Variants in SLC2A13 observed in about 807,000 individuals in gnomAD.
SLC2A13 encodes solute carrier family 2 member 13.
Under a neutral mutation model 64.4 loss-of-function variants are expected in SLC2A13, and 32 were observed. The observed-to-expected ratio is 0.50, with a 90% CI of 0.37 to 0.67. SLC2A13 has a LOEUF of 0.67. Among genes scored for constraint, SLC2A13 ranks in the 30% least tolerant of loss-of-function variants. SLC2A13 has a pLI of 0.00. For missense variants in SLC2A13, 743 were observed against 829.2 expected (o/e 0.90, Z 1.28); for synonymous variants, 338 against 327.1 (o/e 1.03, Z -0.36).
Position 39,997,697 on chromosome 12 carries a change from G to A in SLC2A13, c.925+30604C>T, listed in dbSNP as rs562404594. ...ATACAAAAAATTATCCGGGCATGGT[G>A]GCGGGTGCTTGTAGTCCCAGTTACT... On this transcript the variant is annotated intron_variant, in intron 3 of 9. Coordinates refer to ENST00000280871, the MANE Select transcript of SLC2A13 (RefSeq NM_052885.4). Among the ~76,000 whole-genome samples the A allele has an allele frequency of 4.1e-4, 63 of 152,290 alleles. 1 individual carries two copies. Among genetic ancestry groups the A allele is most frequent in the African/African-American group, 1.4e-3 (57 of 41,548 alleles).
chr12:39,895,174 C>T (rs1481716978), intron 4 of SLC2A13, among the ~76,000 whole-genome samples: 2 of 151,972 alleles, frequency 1.3e-5, no homozygotes, highest in Non-Finnish European at 2.9e-5. Context: ...CAGCCAGAAC[C>T]CTGAGTAACA....
chr12:39,973,544 T>TTCTTA (rs1171694173), intron 3 of SLC2A13, among the ~76,000 whole-genome samples: 1 of 152,226 alleles, frequency 6.6e-6, no homozygotes, highest in African/African-American at 2.4e-5. Flanking sequence ...CACATCTGAC[T>TTCTTA]TCTTATTCCA....
intron 4 of SLC2A13, among the ~76,000 whole-genome samples, chr12:39,925,234 C>T (rs1270835585): frequency 6.6e-6 from 1 of 151,792 alleles, no homozygotes; most frequent in Non-Finnish European, 1.5e-5. Flanking sequence ...GGGGTTTCAC[C>T]ATATCGTCAG....
chr12:39,761,973 T>A (rs1940168422), intron 9 of SLC2A13, among the ~76,000 whole-genome samples: 1 of 152,090 alleles, frequency 6.6e-6, no homozygotes, highest in Non-Finnish European at 1.5e-5. Flanking sequence ...AAAACATTTG[T>A]TGGGTTAGGA....
At chr12:40,052,402 C>T (rs560898186) in intron 1 of SLC2A13, among the ~76,000 whole-genome samples, 1 of 150,752 alleles carries the variant, frequency 6.6e-6, no homozygotes, top group East Asian at 2.0e-4. Context: ...TCATGCTAAG[C>T]AAAAAAAGGG....
intron 4 of SLC2A13, among the ~76,000 whole-genome samples, chr12:39,902,249 A>G (rs1592267255): frequency 6.6e-6 from 1 of 151,422 alleles, no homozygotes; most frequent in Admixed American, 6.6e-5. Context: ...TAAATGACGA[A>G]TTAATGGGTG....
chr12:39,822,577 C>T (rs760386452), intron 7 of SLC2A13, among the ~76,000 whole-genome samples: 3 of 152,166 alleles, frequency 2.0e-5, no homozygotes, highest in Non-Finnish European at 2.9e-5. Flanking sequence ...CTGATGCTTA[C>T]TTGCCCCAAT....
chr12:39,764,157 T>C (rs1940263229), intron 9 of SLC2A13, among the ~76,000 whole-genome samples: 2 of 152,032 alleles, frequency 1.3e-5, no homozygotes. Context: ...TCTGTGAAAC[T>C]AAAAGCTATG....
chr12:40,020,694 A>G lies in SLC2A13; in HGVS notation c.925+7607T>C, dbSNP rs489044. Among the ~76,000 whole-genome samples, 216 of 152,250 alleles carry G rather than the reference A, an allele frequency of 1.4e-3. 1 individual carries two copies. The highest frequency in any genetic ancestry group is 4.9e-3 in the African/African-American group (204 of 41,552). ...TCCCCTTTGAGGTGGGAAAAAAAAA[A>G]GGGTTTTCTTCAGGACCTTCTGGTA... On this transcript the variant is annotated intron_variant, in intron 3 of 9. Coordinates refer to ENST00000280871, the MANE Select transcript of SLC2A13 (RefSeq NM_052885.4).
intron 1 of SLC2A13, among the ~76,000 whole-genome samples, chr12:40,054,852 T>A (rs1373859758): frequency 6.6e-6 from 1 of 152,234 alleles, no homozygotes. Context: ...TCTCTCAGCA[T>A]GATAAGCCAG....
intron 4 of SLC2A13, among the ~76,000 whole-genome samples, chr12:39,926,528 C>G (rs1945733382): frequency 6.6e-6 from 1 of 152,132 alleles, no homozygotes; most frequent in Non-Finnish European, 1.5e-5. Context: ...GCTGTATCGC[C>G]CACTGGTATT....
Position 39,895,825 on chromosome 12 carries a change from TATGCGTGTATATGCACAC to T in SLC2A13, c.1035-23882_1035-23865del, listed in dbSNP as rs1281785826. ...ATGCGTGTATACGTACACACATGTA[TATGCGTGTATATGCACAC>T]ACATATGTATATGCGTGTATATGCA... On this transcript the variant is annotated intron_variant, in intron 4 of 9. Coordinates refer to ENST00000280871, the MANE Select transcript of SLC2A13 (RefSeq NM_052885.4). Among the ~76,000 whole-genome samples the T allele has an allele frequency of 1.9e-4, 20 of 102,974 alleles. 7 individuals are homozygous for T. The highest frequency in any genetic ancestry group is 1.6e-3 in the East Asian group (4 of 2,484). 67.6% of individuals were successfully genotyped at this position (102,974 alleles called of 152,430 possible). A position where few individuals can be genotyped will look rare whatever the true frequency, so the allele number is the denominator to read the frequency against.
chr12:40,063,893 C>T (rs527539527), intron 1 of SLC2A13, among the ~76,000 whole-genome samples: 4 of 152,144 alleles, frequency 2.6e-5, no homozygotes, highest in East Asian at 3.9e-4. Context: ...AATTATTTTT[C>T]TCCAGTGATT....
At chr12:39,912,119 C>A (rs1373267987) in intron 4 of SLC2A13, among the ~76,000 whole-genome samples, 4 of 151,986 alleles carry the variant, frequency 2.6e-5, no homozygotes, top group Non-Finnish European at 5.9e-5. Flanking sequence ...CCACAATGAT[C>A]AACCTTCCTA....
chr12:39,981,032 G>A (rs566523007), intron 3 of SLC2A13, among the ~76,000 whole-genome samples: 2,757 of 151,472 alleles, frequency 0.018, 81 homozygotes, highest in African/African-American at 0.063. Context: ...ACTCAAAGCC[G>A]CTCAACTACA....
At chr12:39,891,479 G>T (rs76273703) in intron 4 of SLC2A13, among the ~76,000 whole-genome samples, 143 of 152,146 alleles carry the variant, frequency 9.4e-4, no homozygotes, top group South Asian at 5.0e-3. Context: ...TTTATCTTAA[G>T]AAAGCATATG....
In SLC2A13 at chr12:40,049,684, C is replaced by G. The variant is rs1188204482; in HGVS notation, c.557-1474G>C. Among the ~76,000 whole-genome samples, 3 of 151,964 alleles carry G rather than the reference C, an allele frequency of 2.0e-5. No homozygotes were observed. The East Asian group carries it at 5.8e-4, about 29-fold the overall frequency. Reference sequence around the variant, plus strand: ...AATGCCATAACAGTTGTAATTTATCCTATTATAAGTGTATTTTTCCTCTAT... The same window carrying G: ...AATGCCATAACAGTTGTAATTTATCGTATTATAAGTGTATTTTTCCTCTAT... On this transcript the variant is annotated intron_variant, in intron 1 of 9. Coordinates refer to ENST00000280871, the MANE Select transcript of SLC2A13 (RefSeq NM_052885.4).
chr12:40,039,881 GGACAAATGTATAAT>G (rs1948056822), intron 2 of SLC2A13, among the ~76,000 whole-genome samples: 1 of 152,144 alleles, frequency 6.6e-6, no homozygotes, highest in Admixed American at 6.5e-5. Context: ...TCATGGGTTT[GGACAAATGTATAAT>G]GGCATGTATC....
rs1271409040 is a variant in SLC2A13, at chr12:40,105,992, G to T, written c.-184C>A. 2 of 640,772 alleles carry T rather than the reference G, an allele frequency of 3.1e-6. No homozygotes were observed. The highest frequency in any genetic ancestry group is 8.9e-5 in the Admixed American group (2 of 22,416). The allele number at this position is 640,772 out of a possible 1,614,324, so 39.7% of individuals were successfully genotyped here. A position where few individuals can be genotyped will look rare whatever the true frequency, so the allele number is the denominator to read the frequency against. ...CGCTCCGGGGAGAAAGTTGCTGCCC[G>T]CCGCGCTCCGACGCTGCGGAGTTGG... On this transcript the variant is annotated 5_prime_UTR_variant, in exon 1 of 10. Coordinates refer to ENST00000280871, the MANE Select transcript of SLC2A13 (RefSeq NM_052885.4). The surrounding 1 kb of genome is among the most constrained non-coding windows in gnomAD (Gnocchi z 4.2).
Sources: allele counts gnomAD v4.1 joint callset (sites outside exome capture counted in the v4.1 genomes callset), GRCh38; gene constraint gnomAD v4.1.1; non-coding constraint Gnocchi (gnomAD v3.1); transcripts MANE v1.5; gene names NCBI Gene and HGNC (gene_info 2026-07-23, HGNC 2026-07-21).